The following SUCLG2 variants were observed in gnomAD, a reference collection of about 807,000 sequenced individuals.
SUCLG2 encodes succinate--CoA ligase [GDP-forming] subunit beta, mitochondrial.
In SUCLG2, 42 loss-of-function variants were observed where a neutral mutation model predicts 47.9. The observed-to-expected ratio is 0.88, with a 90% CI of 0.69 to 1.14. The LOEUF (loss-of-function observed/expected upper bound fraction) is 1.14, where lower values mean the gene tolerates loss of function less well. Among genes scored for constraint, SUCLG2 ranks in the 50% most tolerant of loss-of-function variants. The pLI is 0.00. For synonymous variants in SUCLG2, 195 were observed against 197.3 expected (o/e 0.99, Z 0.10); for missense variants, 571 against 525.9 (o/e 1.09, Z -0.84).
At chr3:67,626,428 G>A (rs1366238630) in intron 1 of SUCLG2, among the ~76,000 whole-genome samples, 1 of 152,074 alleles carries the variant, frequency 6.6e-6, no homozygotes, top group Admixed American at 6.5e-5. Flanking sequence ...ACGGGCCCAA[G>A]AGATGAAATA....
intron 2 of SUCLG2, among the ~76,000 whole-genome samples, chr3:67,588,823 G>T (rs1708087323): frequency 6.6e-6 from 1 of 152,166 alleles, no homozygotes; most frequent in African/African-American, 2.4e-5. Context: ...ACAGCAGGGG[G>T]ATTCATTTAA....
intron 10 of SUCLG2, among the ~76,000 whole-genome samples, chr3:67,367,699 C>T (rs1301691087): frequency 1.3e-5 from 2 of 152,148 alleles, no homozygotes; most frequent in East Asian, 1.9e-4. Context: ...CAAAGAGAAG[C>T]GTCTCTAGAC....
intron 2 of SUCLG2, among the ~76,000 whole-genome samples, chr3:67,593,125 G>C (rs999788602): frequency 2.0e-5 from 3 of 152,114 alleles, no homozygotes; most frequent in Non-Finnish European, 2.9e-5. Flanking sequence ...CTTTAACATG[G>C]TTTTAAAGAT....
At chr3:67,440,499 T>C (rs1024753256) in intron 9 of SUCLG2, among the ~76,000 whole-genome samples, 1 of 152,168 alleles carries the variant, frequency 6.6e-6, no homozygotes, top group Non-Finnish European at 1.5e-5. Flanking sequence ...AAAGGGCTAA[T>C]ATCCAGAATC....
At chr3:67,605,488 C>A (rs1700392497) in intron 2 of SUCLG2, among the ~76,000 whole-genome samples, 1 of 152,164 alleles carries the variant, frequency 6.6e-6, no homozygotes, top group African/African-American at 2.4e-5. Flanking sequence ...TCAGAGGAGA[C>A]CTTCCTTCTA....
intron 9 of SUCLG2, among the ~76,000 whole-genome samples, chr3:67,435,462 T>C (rs1273820662): frequency 6.6e-6 from 1 of 152,156 alleles, no homozygotes; most frequent in Non-Finnish European, 1.5e-5. Context: ...TAAAGTAAGA[T>C]GCCACCTTTA....
At chr3:67,456,022 A>G (rs9815209) in intron 9 of SUCLG2, among the ~76,000 whole-genome samples, 106,551 of 152,080 alleles carry the variant, frequency 0.7, 37,597 homozygotes, top group Middle Eastern at 0.75. Context: ...GATATTGATC[A>G]GTATAAGGCA....
chr3:67,427,695 A>T (rs1165994118), intron 9 of SUCLG2, among the ~76,000 whole-genome samples: 1 of 152,240 alleles, frequency 6.6e-6, no homozygotes, highest in African/African-American at 2.4e-5. Context: ...ACAAAGGGTC[A>T]GGGAATTCCC....
At chr3:67,384,016 A>C (rs1702211932) in intron 10 of SUCLG2, among the ~76,000 whole-genome samples, 1 of 152,224 alleles carries the variant, frequency 6.6e-6, no homozygotes, top group African/African-American at 2.4e-5. Context: ...ATGATTTAAG[A>C]AATTTTCAAA....
At chr3:67,434,875 A>G (rs1170697416) in intron 9 of SUCLG2, among the ~76,000 whole-genome samples, 1 of 152,234 alleles carries the variant, frequency 6.6e-6, no homozygotes, top group Non-Finnish European at 1.5e-5. Context: ...GTCAAGTCCA[A>G]TCTGATACAT....
In SUCLG2 at chr3:67,654,368, G is replaced by A. The variant is rs182983131; in HGVS notation, c.84+135C>T. The A allele has an allele frequency of 1.6e-3, 1,054 of 651,794 alleles. 9 individuals are homozygous for A. In the African/African-American group the frequency reaches 0.017, roughly 11 times the overall value. 40.4% of individuals were successfully genotyped at this position (651,794 alleles called of 1,614,324 possible). ...CCCTGCTGCGCCTGGACCCGGCGCC[G>A]CGTCACCTCCCGAAGTGGGGCGCCC... On this transcript the variant is annotated intron_variant, in intron 1 of 10. Transcript: ENST00000307227.
intron 9 of SUCLG2, among the ~76,000 whole-genome samples, chr3:67,490,575 G>T (rs1705178979): frequency 6.6e-6 from 1 of 152,164 alleles, no homozygotes. Context: ...AACAACACAT[G>T]AAGTAACACT....
At chr3:67,609,149 C>T (rs1271448681) in intron 2 of SUCLG2, among the ~76,000 whole-genome samples, 1 of 152,182 alleles carries the variant, frequency 6.6e-6, no homozygotes, top group East Asian at 1.9e-4. Flanking sequence ...ACACCCAGGC[C>T]ATCACACTGA....
intron 9 of SUCLG2, among the ~76,000 whole-genome samples, chr3:67,495,303 A>G (rs897142557): frequency 3.3e-5 from 5 of 152,156 alleles, no homozygotes; most frequent in Non-Finnish European, 7.3e-5. Context: ...CTGAAATAAG[A>G]TCCCAAGCCT....
intron 9 of SUCLG2, among the ~76,000 whole-genome samples, chr3:67,404,577 A>C (rs1702760791): frequency 6.6e-6 from 1 of 152,052 alleles, no homozygotes; most frequent in Admixed American, 6.5e-5. Context: ...AGGACACACG[A>C]TACACCACAG....
intron 9 of SUCLG2, among the ~76,000 whole-genome samples, chr3:67,444,334 T>G (rs1575700521): frequency 1.6e-5 from 1 of 63,112 alleles, no homozygotes; most frequent in African/African-American, 5.9e-5. Context: ...GGGAGGGAGG[T>G]GGGGGGGTTA....
intron 6 of SUCLG2, among the ~76,000 whole-genome samples, chr3:67,509,614 T>C (rs540154853): frequency 3.3e-5 from 5 of 152,184 alleles, no homozygotes; most frequent in South Asian, 4.1e-4. Flanking sequence ...AGCTGGTATC[T>C]TGTGAGCTGG....
chr3:67,600,069 G>A (rs984553915), intron 2 of SUCLG2, among the ~76,000 whole-genome samples: 1 of 152,164 alleles, frequency 6.6e-6, no homozygotes, highest in Non-Finnish European at 1.5e-5. Flanking sequence ...CTGTTGCAAT[G>A]TAAAGAAAGT....
chr3:67,390,894 C>T (rs1441722478), intron 10 of SUCLG2, among the ~76,000 whole-genome samples: 1 of 152,088 alleles, frequency 6.6e-6, no homozygotes, highest in Non-Finnish European at 1.5e-5. Context: ...TTATTACTGT[C>T]CTATTTAAAT....
Sources: allele counts gnomAD v4.1 joint callset (sites outside exome capture counted in the v4.1 genomes callset), GRCh38; gene constraint gnomAD v4.1.1; transcripts MANE v1.5; gene names NCBI Gene and HGNC (gene_info 2026-07-23, HGNC 2026-07-21).